Variants in MAP3K2 observed in about 807,000 individuals in gnomAD.
MAP3K2 encodes the protein mitogen-activated protein kinase kinase kinase 2.
Under a neutral mutation model 80.3 loss-of-function variants are expected in MAP3K2, and 24 were observed. The observed-to-expected ratio is 0.30, with a 90% CI of 0.22 to 0.42. MAP3K2 has a LOEUF of 0.42. Ranked by LOEUF, MAP3K2 falls within the 10% of genes least tolerant of loss-of-function variation. MAP3K2 has a pLI of 1.00. For synonymous variants in MAP3K2, 244 were observed against 253.7 expected (o/e 0.96, Z 0.36); for missense variants, 608 against 750.1 (o/e 0.81, Z 2.21).
chr2:127,305,319 C>T lies in MAP3K2; in HGVS notation c.*2260G>A, dbSNP rs1357108223. On this transcript the variant is annotated 3_prime_UTR_variant, in exon 17 of 17. Transcript: ENST00000682094. ...AAAGAAATTATAATAGATCCACACA[C>T]TTGGGGATTCTTTCTAGAACAAAAT... 6.6e-6 allele frequency: 1 copy of T among 152,258 alleles called. No individual in the cohort carries two copies. The highest frequency in any genetic ancestry group is 1.9e-4 in the East Asian group (1 of 5,196). The allele number at this position is 152,258 out of a possible 1,614,324, so 9.4% of individuals were successfully genotyped here.
chr2:127,333,131 CAA>C (rs34727603), intron 5 of MAP3K2, among the ~76,000 whole-genome samples: 23 of 107,224 alleles, frequency 2.1e-4, no homozygotes, highest in East Asian at 3.3e-4. Context: ...GATGCTGTCT[CAA>C]AAAAAAAAAA....
chr2:127,340,610 T>C (rs1026396413), intron 2 of MAP3K2, among the ~76,000 whole-genome samples: 9 of 151,364 alleles, frequency 5.9e-5, no homozygotes, highest in Non-Finnish European at 1.3e-4. Flanking sequence ...CGAGCTGAGA[T>C]TGCACCACTG....
Position 127,326,673 on chromosome 2 carries a change from A to G in MAP3K2, c.597+14T>C, listed in dbSNP as rs1452026784. On this transcript the variant is annotated intron_variant, in intron 8 of 16. Coordinates refer to ENST00000682094, the MANE Select transcript of MAP3K2 (RefSeq NM_001371910.2). ...CTCTTTAAATTAAATTTAAAAAATCAAACTTTTGCTTACTTGGTCCATGCT... is the reference window on the plus strand; with the variant it reads ...CTCTTTAAATTAAATTTAAAAAATCGAACTTTTGCTTACTTGGTCCATGCT... The G allele has an allele frequency of 3.9e-6, 6 of 1,536,182 alleles. No individual in the cohort carries two copies. The African/African-American group carries it at 6.9e-5, about 18-fold the overall frequency.
intron 1 of MAP3K2, among the ~76,000 whole-genome samples, chr2:127,369,037 T>C (rs1179811162): frequency 6.6e-6 from 1 of 152,034 alleles, no homozygotes; most frequent in Non-Finnish European, 1.5e-5. Flanking sequence ...AACCTCCGAC[T>C]CCCTGGTTCA....
intron 15 of MAP3K2, among the ~76,000 whole-genome samples, 151 bp from the exon 16 acceptor site, chr2:127,308,913 G>A (rs1380025689): frequency 2.0e-5 from 3 of 152,188 alleles, no homozygotes; most frequent in Non-Finnish European, 4.4e-5. Flanking sequence ...CTGGCATAAT[G>A]CTAGTCACAC....
chr2:127,370,866 T>C (rs960156112), intron 1 of MAP3K2, among the ~76,000 whole-genome samples: 2 of 152,158 alleles, frequency 1.3e-5, no homozygotes, highest in African/African-American at 4.8e-5. Flanking sequence ...AGCCCCGCTA[T>C]CACCGGGCCA....
chr2:127,330,465 G>A lies in MAP3K2; in HGVS notation c.305C>T (p.Ala102Val), dbSNP rs1686233513. The A allele has an allele frequency of 6.2e-7, 1 of 1,609,024 alleles. No individual in the cohort carries two copies. The highest frequency in any genetic ancestry group is 8.5e-7 in the Non-Finnish European group (1 of 1,177,280). ...PLTTQDDLDK[A>V]VELLDRSIHM... ...AATACTACGATCCAGCAGTTCCACA[G>A]CTTTGTCCAAGTCATCTTGAGTAGT... The change falls in exon 6 of 17, where the codon GCT becomes GTT. Residue 102 changes from alanine (A) to valine (V), a missense_variant. Transcript: ENST00000682094.
In MAP3K2 at chr2:127,301,053, G is replaced by GTTCTCAACTGCATTAAGGGA. The variant is rs1280926305; in HGVS notation, c.*6506_*6525dup. 1.3e-5 allele frequency: 2 copies of GTTCTCAACTGCATTAAGGGA among 152,294 alleles called. No homozygotes were observed. Among genetic ancestry groups the GTTCTCAACTGCATTAAGGGA allele is most frequent in the East Asian group, 1.9e-4 (1 of 5,196 alleles). The allele number at this position is 152,294 out of a possible 1,614,324, so 9.4% of individuals were successfully genotyped here. A position where few individuals can be genotyped will look rare whatever the true frequency, so the allele number is the denominator to read the frequency against. On this transcript the variant is annotated 3_prime_UTR_variant, in exon 17 of 17. Transcript: ENST00000682094. ...TTTCGGTATGGTCATGAACTTTACT[G>GTTCTCAACTGCATTAAGGGA]TTCTCAACTGCATTAAGGGATTCTC... is the stretch of plus-strand genomic sequence containing the variant.
intron 1 of MAP3K2, among the ~76,000 whole-genome samples, chr2:127,377,182 G>A (rs1687166637): frequency 6.6e-6 from 1 of 151,976 alleles, no homozygotes; most frequent in Admixed American, 6.6e-5. Flanking sequence ...TTAGAGATCA[G>A]AAAAATGAAC....
chr2:127,358,064 A>G (rs980819936), intron 1 of MAP3K2, among the ~76,000 whole-genome samples: 3 of 152,236 alleles, frequency 2.0e-5, no homozygotes, highest in Non-Finnish European at 2.9e-5. Flanking sequence ...AAAATGTACT[A>G]AACACATACC....
chr2:127,348,381 T>C (rs535942632), intron 1 of MAP3K2, among the ~76,000 whole-genome samples: 68 of 152,152 alleles, frequency 4.5e-4, no homozygotes, highest in South Asian at 2.7e-3. Context: ...GAGTGAGACT[T>C]CATCTCCAAT....
Position 127,300,562 on chromosome 2 carries a change from G to C in MAP3K2, c.*7017C>G, listed in dbSNP as rs1240801137. The C allele has an allele frequency of 6.6e-6, 1 of 152,090 alleles. No homozygotes were observed. The allele number at this position is 152,090 out of a possible 1,614,324, so 9.4% of individuals were successfully genotyped here. A position where few individuals can be genotyped will look rare whatever the true frequency, so the allele number is the denominator to read the frequency against. On this transcript the variant is annotated 3_prime_UTR_variant, in exon 17 of 17. Transcript: ENST00000682094. ...AAAAAGAACCATGTGAAATGTAAGA[G>C]ATGTCAGACATTAAAAGTATTTTTG...
rs779427083 is a variant in MAP3K2, at chr2:127,318,151, T to G, written c.1194+18A>C. 6 of 1,558,948 alleles carry G rather than the reference T, an allele frequency of 3.8e-6. No individual in the cohort carries two copies. In the African/African-American group the frequency reaches 4.1e-5, roughly 11 times the overall value. ...GTTTCTTATAATGTGACAAAGTAAT[T>G]TGTGCAGTGATTTTTACCTTGCTGG... On this transcript the variant is annotated intron_variant, in intron 13 of 16. Transcript: ENST00000682094.
rs1295269804 is a variant in MAP3K2 at position 127,300,167 on chromosome 2, AAAG to A, written c.*7409_*7411del. 1.3e-5 allele frequency: 2 copies of A among 152,290 alleles called. No individual in the cohort carries two copies. The highest frequency in any genetic ancestry group is 3.9e-4 in the East Asian group (2 of 5,192). The allele number at this position is 152,290 out of a possible 1,614,324, so 9.4% of individuals were successfully genotyped here. On this transcript the variant is annotated 3_prime_UTR_variant, in exon 17 of 17. Transcript: ENST00000682094. ...TGCAGTAACTGATGGCTACATCTTG[AAAG>A]AAGTTAAAACATAAAGACACAGACA...
Position 127,324,204 on chromosome 2 carries a change from T to A in MAP3K2, c.715A>T (p.Ser239Cys). 1 of 1,566,090 alleles carries A rather than the reference T, an allele frequency of 6.4e-7. No homozygotes were observed. The highest frequency in any genetic ancestry group is 8.6e-7 in the Non-Finnish European group (1 of 1,156,170). The change falls in exon 10 of 17, where the codon AGC becomes TGC. Residue 239 changes from serine (S) to cysteine (C), a missense_variant. Around this residue, in one of 4 missense-constraint regions of MAP3K2, gnomAD observed 467 missense variants for 521.9 expected, o/e 0.89. Transcript: ENST00000682094. Reference sequence around the variant, plus strand: ...AATTCCTGATGATTATCTGGGTAGCTCTGAGCCCTAGGCATTCGTGATTTT... The same window carrying A: ...AATTCCTGATGATTATCTGGGTAGCACTGAGCCCTAGGCATTCGTGATTTT... Reference protein sequence around the residue: ...YPKSRMPRAQSYPDNHQEFSD... With the variant: ...YPKSRMPRAQCYPDNHQEFSD...
At chr2:127,330,605 C>T in intron 5 of MAP3K2, 100 bp from the exon 6 acceptor site, 2 of 566,088 alleles carry the variant, frequency 3.5e-6, no homozygotes, top group Non-Finnish European at 6.3e-6. Context: ...AAATACCTTG[C>T]TCTTTGATTT....
intron 1 of MAP3K2, among the ~76,000 whole-genome samples, chr2:127,372,015 T>C (rs751587833): frequency 2.6e-5 from 4 of 152,072 alleles, no homozygotes; most frequent in Admixed American, 6.6e-5. Context: ...CAACCACCAC[T>C]GGGAGCGCAA....
At chr2:127,384,886 C>T (rs1054473027) in intron 1 of MAP3K2, among the ~76,000 whole-genome samples, 1 of 152,172 alleles carries the variant, frequency 6.6e-6, no homozygotes, top group African/African-American at 2.4e-5. Context: ...ATCCTCCTGC[C>T]TCAGCCTCCC....
At chr2:127,355,279 C>A (rs186181678) in intron 1 of MAP3K2, among the ~76,000 whole-genome samples, 2 of 152,204 alleles carry the variant, frequency 1.3e-5, no homozygotes, top group Admixed American at 6.5e-5. Context: ...ATTATACACA[C>A]AGAAATAGCA....
Sources: gnomAD v4.1 joint callset for allele counts (sites outside exome capture counted in the v4.1 genomes callset) on GRCh38, gnomAD v4.1.1 for gene constraint, gnomAD v4.1.1 regional missense constraint, MANE v1.5 for transcripts, NCBI Gene and HGNC (gene_info 2026-07-23, HGNC 2026-07-21) for gene names.